The following RAB11FIP4 variants were observed in gnomAD, a reference collection of about 807,000 sequenced individuals.
RAB11FIP4 encodes rab11 family-interacting protein 4.
In RAB11FIP4, 23 loss-of-function variants were observed where a neutral mutation model predicts 74.3. That is an observed-to-expected ratio of 0.31 (90% CI 0.22 to 0.44). The LOEUF is 0.44. Among genes scored for constraint, RAB11FIP4 ranks in the 20% least tolerant of loss-of-function variants. RAB11FIP4 has a pLI of 1.00. For synonymous variants in RAB11FIP4, 360 were observed against 359.9 expected, an observed-to-expected ratio of 1.00 and a Z score of 0.00; for missense variants, 630 against 863.9, an observed-to-expected ratio of 0.73 and a Z score of 3.39.
chr17:31,521,844 C>A, intron 5 of RAB11FIP4, 71 bp from the exon 6 acceptor site: 2 of 1,587,864 alleles, frequency 1.3e-6, no homozygotes, highest in South Asian at 1.1e-5. Context: ...GTAAAGTCAG[C>A]TCAGCAGGGT....
intron 1 of RAB11FIP4, among the ~76,000 whole-genome samples, chr17:31,419,286 TG>T (rs2071176772): frequency 6.8e-6 from 1 of 146,332 alleles, no homozygotes; most frequent in Non-Finnish European, 1.5e-5. Context: ...AGAGTTTTTT[TG>T]TTTTTTTTTT....
chr17:31,484,226 A>G (rs1007966913), intron 3 of RAB11FIP4, among the ~76,000 whole-genome samples: 4 of 151,798 alleles, frequency 2.6e-5, no homozygotes, highest in African/African-American at 7.3e-5. Context: ...GCTCGCCACT[A>G]CACCCAGCTA....
chr17:31,531,783 A>G lies in RAB11FIP4; in HGVS notation c.*51A>G. On this transcript the variant is annotated 3_prime_UTR_variant, in exon 15 of 15. Transcript: ENST00000621161. ...CTTAGGACCCTGGGACCAAGGGCAG[A>G]CCCTGCCCAAGGATGCAGGCCTAAG... 11 of 1,238,550 alleles carry G rather than the reference A, an allele frequency of 8.9e-6. No homozygotes were observed. Among genetic ancestry groups the G allele is most frequent in the Non-Finnish European group, 1.2e-5 (10 of 843,258 alleles). 76.7% of individuals were successfully genotyped at this position (1,238,550 alleles called of 1,614,324 possible).
In RAB11FIP4 at chr17:31,433,836, G is replaced by C. The variant is rs142036010; in HGVS notation, c.248-198G>C. 6.5e-3 allele frequency among the ~76,000 whole-genome samples: 992 copies of C among 152,320 alleles called. 5 individuals are homozygous for C. Among genetic ancestry groups the C allele is most frequent in the African/African-American group, 0.023 (952 of 41,576 alleles). Reference sequence around the variant, plus strand: ...TCCCAGAGGACAAGGGCCTCTTGCAGCTCCCTCCACAGTGCCTTGAGCTGA... The same window carrying C: ...TCCCAGAGGACAAGGGCCTCTTGCACCTCCCTCCACAGTGCCTTGAGCTGA... On this transcript the variant is annotated intron_variant, in intron 2 of 14. Coordinates refer to ENST00000621161, the MANE Select transcript of RAB11FIP4 (RefSeq NM_032932.6).
chr17:31,496,719 G>A (rs990122253), intron 3 of RAB11FIP4, among the ~76,000 whole-genome samples: 2 of 152,222 alleles, frequency 1.3e-5, no homozygotes, highest in Non-Finnish European at 2.9e-5. Context: ...GACCTCAGAA[G>A]CCCAGTGTGC....
chr17:31,445,088 T>G (rs2071438819), intron 3 of RAB11FIP4, among the ~76,000 whole-genome samples: 2 of 152,122 alleles, frequency 1.3e-5, no homozygotes, highest in Admixed American at 1.3e-4. Context: ...GATTCTAAAC[T>G]CACCATCCAG....
intron 3 of RAB11FIP4, among the ~76,000 whole-genome samples, chr17:31,468,684 G>A (rs2071709439): frequency 6.6e-6 from 1 of 152,076 alleles, no homozygotes. Context: ...CAAAAAATTA[G>A]CTGGGTGTGG....
intron 3 of RAB11FIP4, among the ~76,000 whole-genome samples, chr17:31,515,783 C>T (rs551866708): frequency 6.6e-6 from 1 of 152,328 alleles, no homozygotes; most frequent in East Asian, 1.9e-4. Flanking sequence ...GTACCTACTT[C>T]CTCAGAGGTG....
chr17:31,532,572 A>G lies in RAB11FIP4; in HGVS notation c.*840A>G, dbSNP rs1427132193. On this transcript the variant is annotated 3_prime_UTR_variant, in exon 15 of 15. Coordinates refer to ENST00000621161, the MANE Select transcript of RAB11FIP4 (RefSeq NM_032932.6). ...AGGCAGGAGTTGACATCGGGCAACC[A>G]AAGAAATGAGTTTTGGGGAGGAACA... The G allele has an allele frequency of 6.6e-6, 1 of 152,520 alleles. No homozygotes were observed. Among genetic ancestry groups the G allele is most frequent in the Non-Finnish European group, 1.5e-5 (1 of 68,038 alleles). 9.4% of individuals were successfully genotyped at this position (152,520 alleles called of 1,614,324 possible).
At chr17:31,461,351 C>T (rs1475912666) in intron 3 of RAB11FIP4, among the ~76,000 whole-genome samples, 7 of 152,168 alleles carry the variant, frequency 4.6e-5, no homozygotes, top group Non-Finnish European at 8.8e-5. Context: ...ACCATCACCA[C>T]GATACCAGGC....
Position 31,522,363 on chromosome 17 carries a change from C to G in RAB11FIP4, c.897C>G (p.Pro299=), listed in dbSNP as rs765325287. The stretch of plus-strand genomic sequence containing the variant: ...ACTGTTTCCTTTCTCTCTCTAGCCC[C>G]AACCGAAAGATCTCCAGCACGGCCT... The part of the protein sequence containing the change: ...ARLKNLKANS[P]NRKISSTAFG... Residue 299 remains proline, a synonymous_variant, in exon 7 of 15, where the codon CCC becomes CCG. Transcript: ENST00000621161. The G allele has an allele frequency of 6.2e-7, 1 of 1,613,980 alleles. No homozygotes were observed. The highest frequency in any genetic ancestry group is 8.5e-7 in the Non-Finnish European group (1 of 1,179,906).
chr17:31,497,980 A>G (rs2072148359), intron 3 of RAB11FIP4, among the ~76,000 whole-genome samples: 1 of 152,152 alleles, frequency 6.6e-6, no homozygotes, highest in African/African-American at 2.4e-5. Flanking sequence ...AAGAAGCAGC[A>G]TGTGCTGAGG....
At chr17:31,475,082 G>A (rs988069851) in intron 3 of RAB11FIP4, among the ~76,000 whole-genome samples, 3 of 152,028 alleles carry the variant, frequency 2.0e-5, no homozygotes, top group African/African-American at 7.2e-5. Context: ...AGAAGGGGAG[G>A]GCAGGAGCAA....
intron 3 of RAB11FIP4, among the ~76,000 whole-genome samples, chr17:31,514,840 C>T (rs1473773848): frequency 6.6e-6 from 1 of 152,236 alleles, no homozygotes; most frequent in Non-Finnish European, 1.5e-5. Context: ...GTGGAAGTTG[C>T]TGCGTTAGGC....
At chr17:31,402,844 C>T (rs1174162984) in intron 1 of RAB11FIP4, among the ~76,000 whole-genome samples, 5 of 151,852 alleles carry the variant, frequency 3.3e-5, no homozygotes, top group South Asian at 2.1e-4. Flanking sequence ...CCAGGATGGT[C>T]TCGATCTCCT....
chr17:31,402,638 T>TTTATTTA (rs1186660458), intron 1 of RAB11FIP4, among the ~76,000 whole-genome samples: 1 of 65,478 alleles, frequency 1.5e-5, no homozygotes. Flanking sequence ...TTATTTATTT[T>TTTATTTA]TGAGACAGAG....
intron 7 of RAB11FIP4, 189 bp from the exon 8 acceptor site, chr17:31,523,323 C>T: frequency 3.1e-6 from 2 of 635,572 alleles, no homozygotes. Context: ...CTGTACAGCC[C>T]ATTTGCCATC....
chr17:31,419,954 G>A (rs567733018), intron 1 of RAB11FIP4, among the ~76,000 whole-genome samples: 2 of 152,274 alleles, frequency 1.3e-5, no homozygotes, highest in South Asian at 2.1e-4. Flanking sequence ...CTCTGGAAGA[G>A]GTAGTGTAGA....
chr17:31,432,412 G>T (rs1333246166), intron 2 of RAB11FIP4, among the ~76,000 whole-genome samples: 2 of 150,458 alleles, frequency 1.3e-5, no homozygotes, highest in African/African-American at 4.9e-5. Flanking sequence ...CTACTGGAGT[G>T]CAGTGCCACT....
Sources: allele counts gnomAD v4.1 joint callset (sites outside exome capture counted in the v4.1 genomes callset), GRCh38; gene constraint gnomAD v4.1.1; transcripts MANE v1.5; gene names NCBI Gene and HGNC (gene_info 2026-07-23, HGNC 2026-07-21).